RAPGEF1: variants seen among roughly 807,000 people sequenced by gnomAD.
RAPGEF1 encodes Rap guanine nucleotide exchange factor 1, also known as CRK SH3-binding GNRP.
Under a neutral mutation model 143.3 loss-of-function variants are expected in RAPGEF1, and 33 were observed. The ratio of observed to expected loss-of-function variants is 0.23; its 90% CI spans 0.17 to 0.31. The LOEUF (loss-of-function observed/expected upper bound fraction) is 0.31, where lower values mean the gene tolerates loss of function less well. Ranked by LOEUF, RAPGEF1 falls within the 10% of genes least tolerant of loss-of-function variation. The pLI, the probability that RAPGEF1 is intolerant of heterozygous loss-of-function variation, is 1.00. For synonymous variants in RAPGEF1, 629 were observed against 676.5 expected (o/e 0.93, Z 1.09); for missense variants, 1,199 against 1,645.4 (o/e 0.73, Z 4.69).
intron 1 of RAPGEF1, among the ~76,000 whole-genome samples, chr9:131,663,835 A>G (rs1253593497): frequency 1.3e-5 from 2 of 152,324 alleles, no homozygotes; most frequent in African/African-American, 4.8e-5. Flanking sequence ...TCTGTACTGC[A>G]ATTTGAGATT....
At position 131,628,777 on chromosome 9, in the gene RAPGEF1, C is replaced by CA; in HGVS notation, c.894-106dup. On this transcript the variant is annotated intron_variant, in intron 7 of 26. Transcript: ENST00000683357. This position sits in a 1 kb window ranked among gnomAD's most constrained non-coding sequence, Gnocchi z 5.7. ...GGGGTTCTTTCATTACTAGACTCTC[C>CA]ACACCCAATGTTCACACTTCAACTC... 1 of 1,422,796 alleles carries CA rather than the reference C, an allele frequency of 7.0e-7. No homozygotes were observed. The highest frequency in any genetic ancestry group is 1.4e-5 in the African/African-American group (1 of 69,922). The allele number at this position is 1,422,796 out of a possible 1,614,324, so 88.1% of individuals were successfully genotyped here.
rs2132870304 is a variant in RAPGEF1 at position 131,622,001 on chromosome 9, G to A, written c.1703-3C>T. On this transcript the variant is annotated splice_region_variant and splice_polypyrimidine_tract_variant and intron_variant, in intron 10 of 26. Transcript: ENST00000683357. Reference sequence around the variant, plus strand: ...CAGCAACTGCATGTAGGCCAGCACTGTGAAACAAGGGAGAAAGCTGCAGCG... The same window carrying A: ...CAGCAACTGCATGTAGGCCAGCACTATGAAACAAGGGAGAAAGCTGCAGCG... 1.2e-6 allele frequency: 2 copies of A among 1,611,830 alleles called. No homozygotes were observed. Among genetic ancestry groups the A allele is most frequent in the South Asian group, 2.2e-5 (2 of 90,624 alleles).
chr9:131,624,745 C>T (rs1244719366), intron 10 of RAPGEF1, among the ~76,000 whole-genome samples: 1 of 152,246 alleles, frequency 6.6e-6, no homozygotes, highest in Admixed American at 6.5e-5. Flanking sequence ...TCTGGCAGTG[C>T]CATTGCACAC....
At chr9:131,580,114 A>G in intron 26 of RAPGEF1, 149 bp downstream of exon 26, 1 of 1,127,812 alleles carries the variant, frequency 8.9e-7, no homozygotes, top group South Asian at 1.6e-5. Context: ...TCATCCTGGC[A>G]GAAACTGAAG....
chr9:131,739,735 C>T, intron 1 of RAPGEF1, 35 bp downstream of exon 1: 1 of 1,103,290 alleles, frequency 9.1e-7, no homozygotes. Flanking sequence ...GGGCCGGGCC[C>T]GGCCGGAGGG....
intron 1 of RAPGEF1, among the ~76,000 whole-genome samples, chr9:131,721,829 T>C (rs1421940226): frequency 6.6e-6 from 1 of 152,208 alleles, no homozygotes; most frequent in Non-Finnish European, 1.5e-5. Flanking sequence ...TTAGGTATTG[T>C]AAGTAATCTA....
Position 131,687,120 on chromosome 9 carries a change from A to G in RAPGEF1, c.62-36171T>C, listed in dbSNP as rs182741974. On this transcript the variant is annotated intron_variant, in intron 1 of 26. Transcript: ENST00000683357. ...ATTTGAGAATGCAAGCCTGGACAAC[A>G]GATTCAATTCATAATCAATCAGTAA... Among the ~76,000 whole-genome samples, 7 of 152,352 alleles carry G rather than the reference A, an allele frequency of 4.6e-5. No homozygotes were observed. In the South Asian group the frequency reaches 1.2e-3, roughly 27 times the overall value.
At chr9:131,637,764 C>A (rs1411682194) in intron 5 of RAPGEF1, among the ~76,000 whole-genome samples, 1 of 152,190 alleles carries the variant, frequency 6.6e-6, no homozygotes, top group African/African-American at 2.4e-5. Context: ...CTAGTGTAAT[C>A]TTCCCTATAA....
chr9:131,629,222 A>G lies in RAPGEF1; in HGVS notation c.773T>C (p.Val258Ala). The change falls in exon 7 of 27, where the codon GTA (valine) becomes GCA (alanine). Residue 258 changes from valine (V) to alanine (A), a missense_variant. Val to Ala is a moderately conservative substitution (Grantham distance 64). Transcript: ENST00000683357. ...PAELPLTDREVEILNKTTGMS... is the reference protein window; with the variant it reads ...PAELPLTDREAEILNKTTGMS... ...CCCAGTCGTCTTGTTTAGGATCTCT[A>G]CCTCGCGGTCTGTCAGGGGGAGCTC... 3 of 1,613,702 alleles carry G rather than the reference A, an allele frequency of 1.9e-6. No homozygotes were observed. The highest frequency in any genetic ancestry group is 2.5e-6 in the Non-Finnish European group (3 of 1,179,790).
chr9:131,705,045 CAG>C (rs1834946267), intron 1 of RAPGEF1, among the ~76,000 whole-genome samples: 1 of 152,186 alleles, frequency 6.6e-6, no homozygotes, highest in Admixed American at 6.5e-5. Flanking sequence ...TTTCATTCTC[CAG>C]TGTTACTACT....
chr9:131,620,554 G>C (rs1231211505), intron 11 of RAPGEF1, among the ~76,000 whole-genome samples: 1 of 152,170 alleles, frequency 6.6e-6, no homozygotes, highest in African/African-American at 2.4e-5. Context: ...GGGCAGGTGA[G>C]GATCTGAGAC....
chr9:131,659,806 G>A (rs1324532200), intron 1 of RAPGEF1, among the ~76,000 whole-genome samples: 1 of 150,924 alleles, frequency 6.6e-6, no homozygotes, highest in Non-Finnish European at 1.5e-5. Context: ...CGAGCCAAAA[G>A]CAACCTGGAG....
chr9:131,595,755 T>C (rs188309876), intron 17 of RAPGEF1, among the ~76,000 whole-genome samples: 1 of 152,264 alleles, frequency 6.6e-6, no homozygotes, highest in African/African-American at 2.4e-5. Context: ...TCCCTGCTTT[T>C]CCAGCCCTCT....
intron 1 of RAPGEF1, among the ~76,000 whole-genome samples, chr9:131,733,682 C>T (rs199622063): frequency 7.2e-5 from 11 of 152,150 alleles, no homozygotes; most frequent in East Asian, 1.9e-4. Context: ...GCGAGGCGGC[C>T]GCGGGGTGGG....
At chr9:131,598,885 C>T (rs12004138) in intron 15 of RAPGEF1, among the ~76,000 whole-genome samples, 43,909 of 144,708 alleles carry the variant, frequency 0.3, 6,743 homozygotes, top group East Asian at 0.4. Flanking sequence ...AGTGCAGTGG[C>T]GCAATCTTGG....
Position 131,588,024 on chromosome 9 carries a change from G to A in RAPGEF1, c.3056C>T (p.Pro1019Leu), listed in dbSNP as rs369423823. 2 of 1,611,720 alleles carry A rather than the reference G, an allele frequency of 1.2e-6. No individual in the cohort carries two copies. The highest frequency in any genetic ancestry group is 1.7e-6 in the Non-Finnish European group (2 of 1,179,248). The change falls in exon 21 of 27, where the codon CCG becomes CTG. Residue 1019 changes from proline to leucine, a missense_variant and splice_region_variant. By Grantham distance (98) the Pro-to-Leu change is moderately conservative (BLOSUM62 -3). Around this residue, in one of 6 missense-constraint regions of RAPGEF1, gnomAD observed 209 missense variants for 403.0 expected, o/e 0.52. Transcript: ENST00000683357. The part of the protein sequence containing the change: ...PLAARGVAAR[P>L]GTLHDFHSHE... ...GCTGTGAAAGTCGTGCAAGGTCCCC[G>A]GCCTGGAAGACAGAGGTGTGAGAAG...
At chr9:131,651,466 G>T (rs967388527) in intron 1 of RAPGEF1, among the ~76,000 whole-genome samples, 12 of 152,206 alleles carry the variant, frequency 7.9e-5, no homozygotes, top group Non-Finnish European at 1.6e-4. Context: ...TTGCCCCAAA[G>T]ATCAGGAATT....
chr9:131,710,930 T>G (rs1835459497), intron 1 of RAPGEF1, among the ~76,000 whole-genome samples: 1 of 152,198 alleles, frequency 6.6e-6, no homozygotes. Flanking sequence ...TTTCCTTATC[T>G]GTTAACTGGG....
At chr9:131,597,624 C>T (rs1355938882) in intron 16 of RAPGEF1, among the ~76,000 whole-genome samples, 2 of 152,204 alleles carry the variant, frequency 1.3e-5, no homozygotes, top group Non-Finnish European at 2.9e-5. Flanking sequence ...TGTCCTGCTT[C>T]CTCTCCACTC....
Sources: allele counts gnomAD v4.1 joint callset (sites outside exome capture counted in the v4.1 genomes callset), GRCh38; gene constraint gnomAD v4.1.1; regional missense constraint gnomAD v4.1.1; non-coding constraint Gnocchi (gnomAD v3.1); transcripts MANE v1.5; gene names NCBI Gene and HGNC (gene_info 2026-07-23, HGNC 2026-07-21).